Variants in GPRC5C observed in about 807,000 individuals in gnomAD.
GPRC5C encodes G protein-coupled receptor family C group 5 member C.
A neutral mutation model predicts 31.4 loss-of-function variants in GPRC5C; 22 were observed. That is an observed-to-expected ratio of 0.70 (90% CI 0.50 to 1.00). The LOEUF (loss-of-function observed/expected upper bound fraction) is 1.00. GPRC5C is among the 50% of genes least tolerant of loss of function. The pLI, the probability that GPRC5C is intolerant of heterozygous loss-of-function variation, is 0.00. For synonymous variants in GPRC5C, 249 were observed against 257.5 expected (o/e 0.97, Z 0.32); for missense variants, 557 against 597.2 (o/e 0.93, Z 0.70).
intron 1 of GPRC5C, 75 bp downstream of exon 1, chr17:74,432,216 G>A: frequency 6.4e-7 from 1 of 1,555,750 alleles, no homozygotes; most frequent in Non-Finnish European, 8.7e-7. Flanking sequence ...AGCGCGGCGG[G>A]CGCCCGATTA....
At chr17:74,436,763 C>T (rs539462014) in intron 1 of GPRC5C, among the ~76,000 whole-genome samples, 89 of 152,274 alleles carry the variant, frequency 5.8e-4, no homozygotes, top group African/African-American at 2.0e-3. Flanking sequence ...GTCTAAGTGG[C>T]AGTTCTGAGG....
rs2055510128 is a variant in GPRC5C at position 74,440,301 on chromosome 17, G to T, written c.525G>T (p.Leu175=). ...AGGTCATCATCAATACAGAGTGGCT[G>T]ATCATCACCCTGGTTCGGGGCAGTG... ...LVEVIINTEW[L]IITLVRGSGE... Residue 175 remains leucine (L), a synonymous_variant, in exon 2 of 4, where the codon CTG becomes CTT. Transcript: ENST00000392627. The surrounding 1 kb of genome is among the most constrained non-coding windows in gnomAD (Gnocchi z 4.4). 6.2e-7 allele frequency: 1 copy of T among 1,614,102 alleles called. No homozygotes were observed. Among genetic ancestry groups the T allele is most frequent in the African/African-American group, 1.3e-5 (1 of 74,942 alleles).
chr17:74,446,541 GC>G (rs2055638181), intron 3 of GPRC5C: 1 of 307,218 alleles, frequency 3.3e-6, no homozygotes, highest in Non-Finnish European at 6.1e-6. Context: ...CTCTCCACTG[GC>G]CCTAGCATTT....
At chr17:74,441,015 C>T (rs1403137216) in intron 2 of GPRC5C, among the ~76,000 whole-genome samples, 188 bp downstream of exon 2, 2 of 151,996 alleles carry the variant, frequency 1.3e-5, no homozygotes, top group African/African-American at 4.8e-5. Flanking sequence ...TAGATCATGC[C>T]TGTAATCCTA....
At chr17:74,435,572 T>C (rs750410532) in intron 1 of GPRC5C, among the ~76,000 whole-genome samples, 1 of 152,174 alleles carries the variant, frequency 6.6e-6, no homozygotes, top group Non-Finnish European at 1.5e-5. Context: ...CCTCTCTCAT[T>C]CCTTGAAAGT....
Position 74,440,572 on chromosome 17 carries a change from G to A in GPRC5C, c.796G>A (p.Gly266Ser), listed in dbSNP as rs763846707. 37 of 1,613,768 alleles carry A rather than the reference G, an allele frequency of 2.3e-5. No homozygotes were observed. Among genetic ancestry groups the A allele is most frequent in the Non-Finnish European group, 2.6e-5 (31 of 1,179,936 alleles). Residue 266 changes from glycine to serine, a missense_variant, in exon 2 of 4, where the codon GGC becomes AGC. Transcript: ENST00000392627. This position sits in a 1 kb window ranked among gnomAD's most constrained non-coding sequence, Gnocchi z 4.4. Reference sequence around the variant, plus strand: ...GGTGTGGATCGTCATGTATACTTACGGCAACAAGCAGCACAACAGTCCCAC... The same window carrying A: ...GGTGTGGATCGTCATGTATACTTACAGCAACAAGCAGCACAACAGTCCCAC... Reference protein sequence around the residue: ...WVVWIVMYTYGNKQHNSPTWD... With the variant: ...WVVWIVMYTYSNKQHNSPTWD...
chr17:74,439,015 A>G (rs1244364956), intron 1 of GPRC5C, among the ~76,000 whole-genome samples: 1 of 152,182 alleles, frequency 6.6e-6, no homozygotes, highest in African/African-American at 2.4e-5. Flanking sequence ...TGGGTTTTGC[A>G]TTGCCCTTGC....
In GPRC5C at chr17:74,446,975, C is replaced by A. The variant is rs753716930; in HGVS notation, c.1273C>A (p.Pro425Thr). 11 of 1,614,196 alleles carry A rather than the reference C, an allele frequency of 6.8e-6. No homozygotes were observed. In the South Asian group the frequency reaches 9.9e-5, roughly 14 times the overall value. Residue 425 changes from proline to threonine, a missense_variant, in exon 4 of 4, where the codon CCG becomes ACG. Transcript: ENST00000392627. ...SAQSHQAATP[P>T]KDGKNSQVFR... ...CCAGAGCCACCAGGCGGCCACACCG[C>A]CGAAAGACGGCAAGAACTCTCAGGT...
In GPRC5C at chr17:74,443,984, A is replaced by T. The variant is rs1420017463; in HGVS notation, c.1146+72A>T. On this transcript the variant is annotated intron_variant, in intron 3 of 3. Coordinates refer to ENST00000392627, the MANE Select transcript of GPRC5C (RefSeq NM_022036.4). ...CCAGCCTCAGCAGGCCAGTGGGAGAAGGCCATGTGGCCAGAGCTGGGTTGG... is the reference window on the plus strand; with the variant it reads ...CCAGCCTCAGCAGGCCAGTGGGAGATGGCCATGTGGCCAGAGCTGGGTTGG... 4 of 1,065,602 alleles carry T rather than the reference A, an allele frequency of 3.8e-6. No individual in the cohort carries two copies. In the African/African-American group the frequency reaches 6.3e-5, roughly 17 times the overall value. The allele number at this position is 1,065,602 out of a possible 1,614,324, so 66.0% of individuals were successfully genotyped here.
intron 1 of GPRC5C, among the ~76,000 whole-genome samples, chr17:74,438,242 TATATATATA>T (rs2055469677): frequency 7.3e-5 from 9 of 122,760 alleles, no homozygotes; most frequent in Admixed American, 2.4e-4. Context: ...TATATATATA[TATATATATA>T]TTTGTTGTTG....
intron 1 of GPRC5C, among the ~76,000 whole-genome samples, chr17:74,434,786 G>T (rs906610830): frequency 6.6e-6 from 1 of 152,182 alleles, no homozygotes. Context: ...AGTTGGGCAT[G>T]GTGGTGGGCA....
intron 2 of GPRC5C, chr17:74,443,001 G>A (rs1209472373): frequency 2.0e-5 from 3 of 152,012 alleles, no homozygotes; most frequent in Admixed American, 2.0e-4. Flanking sequence ...AAAATCAATA[G>A]AGTGAGCCCA....
intron 1 of GPRC5C, among the ~76,000 whole-genome samples, chr17:74,435,434 A>G (rs138737678): frequency 4.5e-4 from 68 of 152,310 alleles, no homozygotes; most frequent in African/African-American, 1.6e-3. Flanking sequence ...GAGAAATAAG[A>G]TATTTCAGGA....
chr17:74,439,742 T>C lies in GPRC5C; in HGVS notation c.-32-3T>C, dbSNP rs1248337851. ...ATTTTGTCCCTTTTCCTTCTGTCTC[T>C]AGGGACCCAACCAGAGCCTGGCCTG... On this transcript the variant is annotated splice_polypyrimidine_tract_variant and splice_region_variant and intron_variant, in intron 1 of 3. Transcript: ENST00000392627. 6.3e-6 allele frequency: 10 copies of C among 1,599,514 alleles called. No individual in the cohort carries two copies. In the South Asian group the frequency reaches 1.1e-4, roughly 18 times the overall value.
chr17:74,444,728 G>A (rs765505913), intron 3 of GPRC5C, among the ~76,000 whole-genome samples: 10 of 152,176 alleles, frequency 6.6e-5, no homozygotes, highest in Non-Finnish European at 8.8e-5. Context: ...GAGAGCTTCC[G>A]GAGCACCAGG....
intron 2 of GPRC5C, chr17:74,443,014 C>T (rs1478535068): frequency 2.6e-5 from 4 of 152,258 alleles, no homozygotes; most frequent in Non-Finnish European, 5.9e-5. Context: ...TGAGCCCAGC[C>T]CCAGCACTTA....
chr17:74,446,563 T>A, intron 3 of GPRC5C: 1 of 362,082 alleles, frequency 2.8e-6, no homozygotes, highest in East Asian at 4.6e-5. Flanking sequence ...CCCTAAACAA[T>A]TGGAAGTAGG....
In GPRC5C at chr17:74,440,893, G is replaced by C. The variant is rs749346610; in HGVS notation, c.1051+66G>C. On this transcript the variant is annotated intron_variant, in intron 2 of 3. Transcript: ENST00000392627. The surrounding 1 kb of genome is among the most constrained non-coding windows in gnomAD (Gnocchi z 4.4). The stretch of plus-strand genomic sequence containing the variant: ...CCCATGTCTTTTACTGCAGGACAGG[G>C]AGCCAGTCTCTTGAGCAAAATGGAA... 2.9e-6 allele frequency: 4 copies of C among 1,357,910 alleles called. No homozygotes were observed. The East Asian group carries it at 1.0e-4, about 35-fold the overall frequency. The allele number at this position is 1,357,910 out of a possible 1,614,324, so 84.1% of individuals were successfully genotyped here.
At position 74,440,630 on chromosome 17, in the gene GPRC5C, C is replaced by T. The variant is rs2055519667; in HGVS notation, c.854C>T (p.Ala285Val). The T allele has an allele frequency of 1.2e-6, 2 of 1,607,738 alleles. No homozygotes were observed. The highest frequency in any genetic ancestry group is 1.7e-6 in the Non-Finnish European group (2 of 1,174,732). ...WDDPTLAIAL[A>V]ANAWAFVLFY... ...GACCCCACGCTGGCCATCGCCCTCG[C>T]CGCCAATGCCTGGGCCTTCGTCCTC... Residue 285 changes from alanine to valine, a missense_variant, in exon 2 of 4, where the codon GCC (alanine) becomes GTC (valine). By Grantham distance (64) the Ala-to-Val change is moderately conservative (BLOSUM62 0). Transcript: ENST00000392627. The surrounding 1 kb of genome is among the most constrained non-coding windows in gnomAD (Gnocchi z 4.4).
Sources: gnomAD v4.1 joint callset for allele counts (sites outside exome capture counted in the v4.1 genomes callset) on GRCh38, gnomAD v4.1.1 for gene constraint, Gnocchi (gnomAD v3.1) non-coding constraint, MANE v1.5 for transcripts, NCBI Gene and HGNC (gene_info 2026-07-23, HGNC 2026-07-21) for gene names.